SERINC5: variants seen among roughly 807,000 people sequenced by gnomAD.
SERINC5 encodes the protein serine incorporator 5, also known as chromosome 5 open reading frame 12.
In SERINC5, 41 loss-of-function variants were observed where a neutral mutation model predicts 63.1. The observed-to-expected ratio is 0.65, with a 90% CI of 0.51 to 0.84. SERINC5 has a LOEUF of 0.84. SERINC5 is among the 40% of genes least tolerant of loss of function. SERINC5 has a pLI of 0.00. For synonymous variants in SERINC5, 222 were observed against 215.2 expected (o/e 1.03, Z -0.28); for missense variants, 523 against 573.0 (o/e 0.91, Z 0.89).
At chr5:80,176,653 A>C (rs1367911644) in intron 4 of SERINC5, among the ~76,000 whole-genome samples, 2 of 152,082 alleles carry the variant, frequency 1.3e-5, no homozygotes, top group African/African-American at 4.8e-5. Context: ...GGCTGGTCTC[A>C]GACGAACTCC....
At chr5:80,232,215 T>G (rs377003355) in intron 1 of SERINC5, among the ~76,000 whole-genome samples, 11 of 138,004 alleles carry the variant, frequency 8.0e-5, no homozygotes, top group Non-Finnish European at 1.4e-4. Flanking sequence ...CCATCCTGGC[T>G]AACACCGTAA....
intron 1 of SERINC5, among the ~76,000 whole-genome samples, chr5:80,224,144 AAAAAAGAAAAAAG>A (rs1561438250): frequency 6.7e-6 from 1 of 149,856 alleles, no homozygotes; most frequent in Non-Finnish European, 1.5e-5. Context: ...AAAAAAAAAA[AAAAAAGAAAAAAG>A]AAAAAGAAAA....
At position 80,143,411 on chromosome 5, in the gene SERINC5, C is replaced by T. The variant is rs1745626884; in HGVS notation, c.*252G>A. 6 of 1,207,464 alleles carry T rather than the reference C, an allele frequency of 5.0e-6. No individual in the cohort carries two copies. Among genetic ancestry groups the T allele is most frequent in the Admixed American group, 4.2e-5 (1 of 23,984 alleles). 74.8% of individuals were successfully genotyped at this position (1,207,464 alleles called of 1,614,324 possible). On this transcript the variant is annotated 3_prime_UTR_variant, in exon 12 of 12. Coordinates refer to ENST00000507668, the MANE Select transcript of SERINC5 (RefSeq NM_001174072.3). ...AGAAGGAAGTCAACATAACTGGTAT[C>T]CAGTTCCTAGGGGTAAGATATTTCA...
chr5:80,220,880 G>C (rs1199041181), intron 1 of SERINC5, among the ~76,000 whole-genome samples: 1 of 152,126 alleles, frequency 6.6e-6, no homozygotes, highest in African/African-American at 2.4e-5. Context: ...AGGAACAGAG[G>C]TTTGGGAGGA....
intron 1 of SERINC5, among the ~76,000 whole-genome samples, chr5:80,220,763 G>A (rs1320739499): frequency 1.3e-5 from 2 of 152,088 alleles, no homozygotes; most frequent in East Asian, 3.9e-4. Context: ...GAAGTGGGGA[G>A]GGGGGCAATC....
chr5:80,140,135 G>A lies in SERINC5; in HGVS notation c.*3528C>T. On this transcript the variant is annotated 3_prime_UTR_variant, in exon 12 of 12. Transcript: ENST00000507668. ...GCTTGAGCTCAGGAGTTTGAGACCA[G>A]CCTGGACAACCCCATCTCTACAAAA... The A allele has an allele frequency of 1.2e-6, 1 of 816,100 alleles. No individual in the cohort carries two copies. 50.6% of individuals were successfully genotyped at this position (816,100 alleles called of 1,614,324 possible).
Position 80,185,864 on chromosome 5 carries a change from T to C in SERINC5, c.196-7800A>G, listed in dbSNP as rs554179157. On this transcript the variant is annotated intron_variant, in intron 2 of 11. Coordinates refer to ENST00000507668, the MANE Select transcript of SERINC5 (RefSeq NM_001174072.3). ...CGGGGCAGGGCACATTCACTTCTTT[T>C]GTGATTCTTCAGTTACTTCAGGCCA... Among the ~76,000 whole-genome samples, 12 of 152,180 alleles carry C rather than the reference T, an allele frequency of 7.9e-5. No homozygotes were observed. In the South Asian group the frequency reaches 2.5e-3, roughly 32 times the overall value.
chr5:80,254,366 A>G lies in SERINC5; in HGVS notation c.27+1530T>C, dbSNP rs77143942. 1.8e-4 allele frequency among the ~76,000 whole-genome samples: 27 copies of G among 152,352 alleles called. No individual in the cohort carries two copies. The East Asian group carries it at 4.8e-3, about 27-fold the overall frequency. On this transcript the variant is annotated intron_variant, in intron 1 of 11. Transcript: ENST00000507668. ...GGTTAACTTTGATTTGGTTCTTTCC[A>G]AAGTCCTAAGAGGGGAGACTTTAGA...
intron 1 of SERINC5, among the ~76,000 whole-genome samples, chr5:80,243,899 T>C (rs971982939): frequency 3.3e-5 from 5 of 151,906 alleles, no homozygotes; most frequent in African/African-American, 7.3e-5. Flanking sequence ...CAAACTTTCA[T>C]AGAAAAAGTA....
Position 80,178,044 on chromosome 5 carries a change from C to T in SERINC5, c.216G>A (p.Met72Ile). ...TGTCACCAGCTTTAATGCCTTTACA[C>T]ATATCTTCAAAAAAAGGAATCTGAG... ...MKEHIPFFED[M>I]CKGIKAGDTC... The change falls in exon 3 of 12, where the codon ATG becomes ATA. Residue 72 changes from methionine (M) to isoleucine (I), a missense_variant. Transcript: ENST00000507668. The T allele has an allele frequency of 5.0e-6, 8 of 1,598,308 alleles. No individual in the cohort carries two copies. The highest frequency in any genetic ancestry group is 1.4e-5 in the African/African-American group (1 of 73,878).
Position 80,212,543 on chromosome 5 carries a change from A to G in SERINC5, c.28-9490T>C, listed in dbSNP as rs560977941. Among the ~76,000 whole-genome samples, 5 of 152,084 alleles carry G rather than the reference A, an allele frequency of 3.3e-5. No homozygotes were observed. The East Asian group carries it at 7.8e-4, about 24-fold the overall frequency. The stretch of plus-strand genomic sequence containing the variant: ...TTCTCTACTTTGGAGAGCAACATTC[A>G]TTGAAATTCTGGACCCAACAACCAA... On this transcript the variant is annotated intron_variant, in intron 1 of 11. Transcript: ENST00000507668.
At chr5:80,244,984 G>C (rs1752108450) in intron 1 of SERINC5, among the ~76,000 whole-genome samples, 1 of 152,130 alleles carries the variant, frequency 6.6e-6, no homozygotes, top group African/African-American at 2.4e-5. Flanking sequence ...CACAGGCACT[G>C]ATCTTCGATC....
rs34814066 is a variant in SERINC5, at chr5:80,118,714, ATTTT to A, written c.1239-5093_1239-5090del. Among the ~76,000 whole-genome samples the A allele has an allele frequency of 1.4e-4, 15 of 108,234 alleles. 1 individual carries two copies. The highest frequency in any genetic ancestry group is 5.7e-4 in the African/African-American group (15 of 26,150). 71.0% of individuals were successfully genotyped at this position (108,234 alleles called of 152,430 possible). A position where few individuals can be genotyped will look rare whatever the true frequency, so the allele number is the denominator to read the frequency against. The stretch of plus-strand genomic sequence containing the variant: ...AGGCGCATGCCACCATGTCCAGCTA[ATTTT>A]TTTTTTTTTTTTTTTTTGTAGAGAT... On this transcript the variant is annotated intron_variant, in intron 11 of 12. Transcript: ENST00000509193.
chr5:80,147,535 C>T (rs1402900891), intron 9 of SERINC5, among the ~76,000 whole-genome samples: 1 of 152,186 alleles, frequency 6.6e-6, no homozygotes, highest in Admixed American at 6.5e-5. Context: ...GAGACAGGAG[C>T]TCCTTTACCC....
chr5:80,114,361 C>A (rs1744247149), intron 11 of SERINC5, among the ~76,000 whole-genome samples: 1 of 151,720 alleles, frequency 6.6e-6, no homozygotes, highest in Admixed American at 6.6e-5. Flanking sequence ...ACTCTTAAAT[C>A]ATCAGATCAC....
chr5:80,179,647 G>C (rs144062417), intron 2 of SERINC5, among the ~76,000 whole-genome samples: 1,734 of 152,300 alleles, frequency 0.011, 32 homozygotes, highest in African/African-American at 0.04. Flanking sequence ...GGGACCAGAA[G>C]TCTTTCAGAA....
chr5:80,146,260 C>T lies in SERINC5; in HGVS notation c.1094-26G>A, dbSNP rs375057110. On this transcript the variant is annotated intron_variant, in intron 10 of 11. Transcript: ENST00000507668. ...CTGTGAAGCACAGAGGGAGCCCAGG[C>T]TCAATGAGTGAATGTGTGTGTTTAC... is the stretch of plus-strand genomic sequence containing the variant. The T allele has an allele frequency of 4.3e-6, 7 of 1,613,066 alleles. No individual in the cohort carries two copies. The African/African-American group carries it at 6.7e-5, about 15-fold the overall frequency.
chr5:80,243,911 A>C (rs1163234694), intron 1 of SERINC5, among the ~76,000 whole-genome samples: 1 of 152,090 alleles, frequency 6.6e-6, no homozygotes, highest in Non-Finnish European at 1.5e-5. Flanking sequence ...GAAAAAGTAG[A>C]CGGTGGGGGA....
intron 2 of SERINC5, among the ~76,000 whole-genome samples, chr5:80,201,021 C>G (rs1416783891): frequency 6.6e-6 from 1 of 152,078 alleles, no homozygotes; most frequent in African/African-American, 2.4e-5. Context: ...ATTGCTTGAA[C>G]CTGGGAGGCG....
Sources: gnomAD v4.1 joint callset for allele counts (sites outside exome capture counted in the v4.1 genomes callset) on GRCh38, gnomAD v4.1.1 for gene constraint, MANE v1.5 for transcripts, NCBI Gene and HGNC (gene_info 2026-07-23, HGNC 2026-07-21) for gene names.